PRKAR1A: variants seen among roughly 807,000 people sequenced by gnomAD.
PRKAR1A encodes cAMP-dependent protein kinase type I-alpha regulatory subunit.
Under a neutral mutation model 52.0 loss-of-function variants are expected in PRKAR1A, and 3 were observed. That is an observed-to-expected ratio of 0.06 (90% CI 0.03 to 0.15). The LOEUF (loss-of-function observed/expected upper bound fraction) is 0.15, where lower values mean the gene tolerates loss of function less well. PRKAR1A is among the 10% of genes least tolerant of loss of function. PRKAR1A has a pLI of 1.00. For synonymous variants in PRKAR1A, 188 were observed against 168.4 expected, an observed-to-expected ratio of 1.12 and a Z score of -0.90; for missense variants, 240 against 477.4, an observed-to-expected ratio of 0.50 and a Z score of 4.63.
At chr17:68,543,840 A>G (rs1415990749) in intron 11 of PRKAR1A, 2 of 868,620 alleles carry the variant, frequency 2.3e-6, no homozygotes, top group African/African-American at 3.3e-5. Flanking sequence ...TCATGTACAC[A>G]CAGGCGATGG....
At chr17:68,524,782 TGAAA>T (rs1416756243) in intron 5 of PRKAR1A, 126 bp from the exon 6 acceptor site, 9 of 759,000 alleles carry the variant, frequency 1.2e-5, no homozygotes, top group Non-Finnish European at 2.0e-5. Context: ...TTCTTTCCCC[TGAAA>T]GATTGTGTTA....
At position 68,531,451 on chromosome 17, in the gene PRKAR1A, G is replaced by T. The variant is rs567175898; in HGVS notation, c.*1002G>T. The T allele has an allele frequency of 2.8e-6, 3 of 1,066,140 alleles. No homozygotes were observed. In the East Asian group the frequency reaches 1.5e-4, roughly 53 times the overall value. 66.0% of individuals were successfully genotyped at this position (1,066,140 alleles called of 1,614,324 possible). A position where few individuals can be genotyped will look rare whatever the true frequency, so the allele number is the denominator to read the frequency against. ...GTCCTAACAGAGAAATAGAGGTGAT[G>T]CTGCTAAAGGGAGAAATGCCAGGCG... On this transcript the variant is annotated 3_prime_UTR_variant, in exon 11 of 11. Transcript: ENST00000589228.
chr17:68,519,225 T>G (rs796587576), intron 2 of PRKAR1A, among the ~76,000 whole-genome samples: 2 of 152,294 alleles, frequency 1.3e-5, no homozygotes, highest in African/African-American at 4.8e-5. Context: ...TTTTACTGTA[T>G]TAGTCTGTTC....
chr17:68,470,107 G>C, the PRKAR1A span, among the ~76,000 whole-genome samples: 1 of 147,780 alleles, frequency 6.8e-6, no homozygotes, highest in Non-Finnish European at 1.5e-5. Flanking sequence ...TTTTGAGACA[G>C]AGTCTCACTC....
intron 11 of PRKAR1A, chr17:68,540,029 G>C (rs2086218971): frequency 1.4e-6 from 2 of 1,443,354 alleles, no homozygotes; most frequent in African/African-American, 2.8e-5. Context: ...CTCCTGACCT[G>C]AGTTCTCTCC....
rs1568708116 is a variant in PRKAR1A at position 68,532,748 on chromosome 17, A to G, written c.*2299A>G. 1 of 1,066,214 alleles carries G rather than the reference A, an allele frequency of 9.4e-7. No homozygotes were observed. The highest frequency in any genetic ancestry group is 1.1e-6 in the Non-Finnish European group (1 of 879,536). The allele number at this position is 1,066,214 out of a possible 1,614,324, so 66.0% of individuals were successfully genotyped here. On this transcript the variant is annotated 3_prime_UTR_variant, in exon 11 of 11. Coordinates refer to ENST00000589228, the MANE Select transcript of PRKAR1A (RefSeq NM_002734.5). ...ATGGTAGGTCAAGTAATAAAAAGAG[A>G]TGAAATAATTTAAATTCTTAAATGA...
At chr17:68,449,656 G>T in the PRKAR1A span, among the ~76,000 whole-genome samples, 3 of 152,146 alleles carry the variant, frequency 2.0e-5, no homozygotes, top group Non-Finnish European at 2.9e-5. Context: ...CACGTAAGAC[G>T]CCTGCTCCCG....
At chr17:68,479,810 C>T in the PRKAR1A span, among the ~76,000 whole-genome samples, 1 of 152,224 alleles carries the variant, frequency 6.6e-6, no homozygotes, top group Non-Finnish European at 1.5e-5. Context: ...AATTTACCCA[C>T]AGTTCCACAT....
the PRKAR1A span, among the ~76,000 whole-genome samples, chr17:68,441,587 G>T: frequency 6.6e-6 from 1 of 152,200 alleles, no homozygotes; most frequent in Non-Finnish European, 1.5e-5. Context: ...AGGTTCCCGA[G>T]TGAGGACCTG....
chr17:68,436,993 C>CAA, the PRKAR1A span, among the ~76,000 whole-genome samples: 1 of 124,672 alleles, frequency 8.0e-6, no homozygotes, highest in African/African-American at 2.8e-5. Context: ...GACCCCGTCT[C>CAA]AAAAAAAAAA....
At chr17:68,458,430 C>T in the PRKAR1A span, among the ~76,000 whole-genome samples, 1 of 152,240 alleles carries the variant, frequency 6.6e-6, no homozygotes, top group East Asian at 1.9e-4. Flanking sequence ...TCTAGGTTTT[C>T]TAACCAGGAC....
At chr17:68,453,750 G>A in the PRKAR1A span, among the ~76,000 whole-genome samples, 6 of 151,996 alleles carry the variant, frequency 3.9e-5, no homozygotes, top group African/African-American at 1.4e-4. Flanking sequence ...AAGTGCTTAG[G>A]CATCAGCCAC....
chr17:68,540,212 C>G (rs1013249914), intron 11 of PRKAR1A, among the ~76,000 whole-genome samples: 1 of 152,228 alleles, frequency 6.6e-6, no homozygotes, highest in Non-Finnish European at 1.5e-5. Context: ...CCTGCCCCTG[C>G]CCCTACTCCA....
chr17:68,535,828 A>C (rs2086082512), downstream of PRKAR1A: 1 of 453,896 alleles, frequency 2.2e-6, no homozygotes, highest in African/African-American at 2.0e-5. Flanking sequence ...TAAGCAAACA[A>C]ATTTGACTTC....
chr17:68,500,665 C>G, the PRKAR1A span, among the ~76,000 whole-genome samples: 27,234 of 152,040 alleles, frequency 0.18, 3,073 homozygotes, highest in East Asian at 0.49. Context: ...AGGTGCCCAC[C>G]ACCACGCCCG....
At chr17:68,443,134 A>G in the PRKAR1A span, among the ~76,000 whole-genome samples, 1 of 152,104 alleles carries the variant, frequency 6.6e-6, no homozygotes, top group Non-Finnish European at 1.5e-5. Flanking sequence ...TTTTTGAGAC[A>G]GAGTCTCGAT....
the PRKAR1A span, chr17:68,457,426 G>T: frequency 8.5e-5 from 125 of 1,471,812 alleles, 2 homozygotes; most frequent in South Asian, 1.2e-3. Flanking sequence ...CTCCATCGGG[G>T]GCTCGGCCCG....
chr17:68,539,845 C>G (rs750178888), intron 11 of PRKAR1A: 3 of 1,597,120 alleles, frequency 1.9e-6, no homozygotes, highest in Non-Finnish European at 2.6e-6. Context: ...AGCAGCACAT[C>G]TGGGAGAGGG....
chr17:68,420,545 A>C, the PRKAR1A span: 6 of 1,460,602 alleles, frequency 4.1e-6, no homozygotes, highest in Admixed American at 1.8e-5. Context: ...CCCTCTTTAC[A>C]AACACACGCT....
Sources: allele counts gnomAD v4.1 joint callset (sites outside exome capture counted in the v4.1 genomes callset), GRCh38; gene constraint gnomAD v4.1.1; transcripts MANE v1.5; gene names NCBI Gene and HGNC (gene_info 2026-07-23, HGNC 2026-07-21).